Variants in SMARCA2 observed in about 807,000 individuals in gnomAD.
SMARCA2 encodes the protein SWI/SNF-related matrix-associated actin-dependent regulator of chromatin subfamily A member 2.
In SMARCA2, 61 loss-of-function variants were observed where a neutral mutation model predicts 199.8. The ratio of observed to expected loss-of-function variants is 0.31; its 90% CI spans 0.25 to 0.38. The LOEUF is 0.38. SMARCA2 is among the 10% of genes least tolerant of loss of function. The probability of loss-of-function intolerance (pLI) is 1.00; values close to 1 mark genes in which losing one functional copy is unlikely to be tolerated. For synonymous variants in SMARCA2, 935 were observed against 732.0 expected (o/e 1.28, Z -4.48); for missense variants, 1,344 against 2,012.2 (o/e 0.67, Z 6.35).
chr9:2,170,859 G>A lies in SMARCA2; in HGVS notation c.4253+387G>A, dbSNP rs12345838. On this transcript the variant is annotated intron_variant, in intron 29 of 33. Coordinates refer to ENST00000349721, the MANE Select transcript of SMARCA2 (RefSeq NM_003070.5). The surrounding 1 kb of genome is among the most constrained non-coding windows in gnomAD (Gnocchi z 4.7). Reference sequence around the variant, plus strand: ...CTGTCTTGGTTTAGAAGCTTAATGCGAAGCACCTGTAGTGACTTGATCTCC... The same window carrying A: ...CTGTCTTGGTTTAGAAGCTTAATGCAAAGCACCTGTAGTGACTTGATCTCC... 0.19 allele frequency among the ~76,000 whole-genome samples: 29,662 copies of A among 152,180 alleles called. 3,570 individuals are homozygous for A. The highest frequency in any genetic ancestry group is 0.33 in the African/African-American group (13,704 of 41,486).
At chr9:2,127,139 G>A (rs151217202) in intron 27 of SMARCA2, among the ~76,000 whole-genome samples, 191 of 151,894 alleles carry the variant, frequency 1.3e-3, no homozygotes, top group African/African-American at 4.4e-3. Flanking sequence ...AATATTAATT[G>A]CACTTTTAAT....
At chr9:2,061,060 T>C in intron 9 of SMARCA2, 74 bp downstream of exon 9, 1 of 1,361,842 alleles carries the variant, frequency 7.3e-7, no homozygotes, top group Non-Finnish European at 1.0e-6. Flanking sequence ...AGTATTGCTC[T>C]TTAAGTACTA....
intron 9 of SMARCA2, among the ~76,000 whole-genome samples, chr9:2,066,973 T>G (rs1236564265): frequency 6.6e-6 from 1 of 152,208 alleles, no homozygotes; most frequent in Non-Finnish European, 1.5e-5. Context: ...AGACACAGCA[T>G]GAAGTTGATG....
At chr9:2,125,101 A>G (rs7033529) in intron 27 of SMARCA2, among the ~76,000 whole-genome samples, 50,299 of 152,006 alleles carry the variant, frequency 0.33, 13,747 homozygotes, top group African/African-American at 0.75. Flanking sequence ...TACCAAAGGC[A>G]AACAGGTCTT....
Position 2,076,245 on chromosome 9 carries a change from C to A in SMARCA2, c.1952C>A (p.Ser651Tyr), listed in dbSNP as rs769137549. ...DYEEEDEEEE[S>Y]SRQETEEKIL... ...CTTTTCCAGGATGAGGAAGAAGAGT[C>A]CAGTAGGCAGGAAACCGAAGAGAAA... Residue 651 changes from serine (S) to tyrosine (Y), a missense_variant, in exon 13 of 34, where the codon TCC becomes TAC. Coordinates refer to ENST00000349721, the MANE Select transcript of SMARCA2 (RefSeq NM_003070.5). 1.6e-5 allele frequency: 26 copies of A among 1,602,334 alleles called. No individual in the cohort carries two copies. The highest frequency in any genetic ancestry group is 2.2e-5 in the East Asian group (1 of 44,810).
At chr9:2,097,359 AT>A in intron 20 of SMARCA2, 25 bp from the exon 21 acceptor site, 1 of 1,422,766 alleles carries the variant, frequency 7.0e-7, no homozygotes, top group Non-Finnish European at 9.9e-7. Flanking sequence ...AATTAATTCT[AT>A]TTTTCCCTTT....
At position 2,170,179 on chromosome 9, in the gene SMARCA2, T is replaced by C. The variant is rs1236247801; in HGVS notation, c.4200-240T>C. 6.6e-6 allele frequency among the ~76,000 whole-genome samples: 1 copy of C among 152,186 alleles called. No homozygotes were observed. Among genetic ancestry groups the C allele is most frequent in the Non-Finnish European group, 1.5e-5 (1 of 68,032 alleles). ...GGGAACAGGGTAACAGGAATTTCTGTGTGTGACGGAAGTAGGAAAATCCCA... is the reference window on the plus strand; with the variant it reads ...GGGAACAGGGTAACAGGAATTTCTGCGTGTGACGGAAGTAGGAAAATCCCA... On this transcript the variant is annotated intron_variant, in intron 28 of 33. Coordinates refer to ENST00000349721, the MANE Select transcript of SMARCA2 (RefSeq NM_003070.5). The surrounding 1 kb of genome is among the most constrained non-coding windows in gnomAD (Gnocchi z 4.7).
intron 16 of SMARCA2, 119 bp downstream of exon 16, chr9:2,083,532 T>A: frequency 1.7e-6 from 1 of 599,290 alleles, no homozygotes; most frequent in Non-Finnish European, 3.0e-6. Flanking sequence ...ATGTACATCA[T>A]GTACTAAACC....
At chr9:2,084,896 A>G (rs772596806) in intron 17 of SMARCA2, among the ~76,000 whole-genome samples, 33 of 152,190 alleles carry the variant, frequency 2.2e-4, no homozygotes, top group Non-Finnish European at 4.6e-4. Context: ...TAATACGTTC[A>G]TGTAGAAAGA....
chr9:2,073,139 T>C lies in SMARCA2; in HGVS notation c.1747-73T>C, dbSNP rs1821162563. 3 of 1,551,652 alleles carry C rather than the reference T, an allele frequency of 1.9e-6. No individual in the cohort carries two copies. In the South Asian group the frequency reaches 3.6e-5, roughly 19 times the overall value. On this transcript the variant is annotated intron_variant, in intron 10 of 33. Transcript: ENST00000349721. ...TCACATGCTGGGCAGCAAAAACTGC[T>C]GAGAAACGTCCAGTACAGGACTGGG...
chr9:2,037,301 G>A (rs1483107207), intron 3 of SMARCA2, among the ~76,000 whole-genome samples: 1 of 152,190 alleles, frequency 6.6e-6, no homozygotes, highest in Non-Finnish European at 1.5e-5. Context: ...AGCTTTCAAG[G>A]GAATTTTCTT....
intron 18 of SMARCA2, 66 bp from the exon 19 acceptor site, chr9:2,088,433 TA>T: frequency 6.6e-7 from 1 of 1,515,822 alleles, no homozygotes; most frequent in Non-Finnish European, 8.8e-7. Flanking sequence ...ATATGTAACA[TA>T]AAGCTTTATT....
rs771567349 is a variant in SMARCA2 at position 2,181,529 on chromosome 9, G to A, written c.4254-42G>A. 7 of 945,276 alleles carry A rather than the reference G, an allele frequency of 7.4e-6. No homozygotes were observed. The East Asian group carries it at 1.7e-4, about 23-fold the overall frequency. 58.6% of individuals were successfully genotyped at this position (945,276 alleles called of 1,614,324 possible). On this transcript the variant is annotated intron_variant, in intron 29 of 33. Coordinates refer to ENST00000349721, the MANE Select transcript of SMARCA2 (RefSeq NM_003070.5). Reference sequence around the variant, plus strand: ...AAAAATAAAACCTTTCCTCAGTAATGTTTGATGTGGCTTGTTTTTGTTTGT... The same window carrying A: ...AAAAATAAAACCTTTCCTCAGTAATATTTGATGTGGCTTGTTTTTGTTTGT...
chr9:2,057,272 C>T (rs1315135773), intron 7 of SMARCA2, among the ~76,000 whole-genome samples: 1 of 152,170 alleles, frequency 6.6e-6, no homozygotes, highest in Non-Finnish European at 1.5e-5. Context: ...TGTTTTCTTA[C>T]GTGGTGGAAG....
chr9:2,112,713 A>T (rs551656275), intron 24 of SMARCA2, among the ~76,000 whole-genome samples: 1 of 152,354 alleles, frequency 6.6e-6, no homozygotes, highest in East Asian at 1.9e-4. Context: ...CTGATTGAAT[A>T]AACTGAGCTG....
At position 2,159,026 on chromosome 9, in the gene SMARCA2, A is replaced by G. The variant is rs554459186; in HGVS notation, c.3982-2660A>G. On this transcript the variant is annotated intron_variant, in intron 27 of 33. Coordinates refer to ENST00000349721, the MANE Select transcript of SMARCA2 (RefSeq NM_003070.5). ...TGTAATTCCAAAACCTAAATTTAATAAGAATCTGCACGTATTAGCAGTTGT... is the reference window on the plus strand; with the variant it reads ...TGTAATTCCAAAACCTAAATTTAATGAGAATCTGCACGTATTAGCAGTTGT... 118 of 1,604,748 alleles carry G rather than the reference A, an allele frequency of 7.4e-5. 3 individuals are homozygous for G. In the South Asian group the frequency reaches 1.2e-3, roughly 16 times the overall value.
intron 32 of SMARCA2, among the ~76,000 whole-genome samples, chr9:2,187,588 G>T (rs1563843470): frequency 6.6e-6 from 1 of 151,964 alleles, no homozygotes; most frequent in Non-Finnish European, 1.5e-5. Flanking sequence ...TGAGGCAGGA[G>T]GATTGCTTAG....
At chr9:2,038,008 A>G (rs1819405916) in intron 3 of SMARCA2, among the ~76,000 whole-genome samples, 1 of 152,206 alleles carries the variant, frequency 6.6e-6, no homozygotes, top group African/African-American at 2.4e-5. Context: ...CTTCCCCAGA[A>G]AAGTGTTCTT....
At position 2,053,396 on chromosome 9, in the gene SMARCA2, A is replaced by G. The variant is rs183990135; in HGVS notation, c.1047-1201A>G. Among the ~76,000 whole-genome samples, 46 of 152,324 alleles carry G rather than the reference A, an allele frequency of 3.0e-4. No individual in the cohort carries two copies. In the East Asian group the frequency reaches 8.1e-3, roughly 27 times the overall value. ...GTCCAGGAAGGTTCTCGGAAAGTGT[A>G]TCTTAATTATCTATCATTTTATTGC... On this transcript the variant is annotated intron_variant, in intron 5 of 33. Coordinates refer to ENST00000349721, the MANE Select transcript of SMARCA2 (RefSeq NM_003070.5).
Sources: allele counts gnomAD v4.1 joint callset (sites outside exome capture counted in the v4.1 genomes callset), GRCh38; gene constraint gnomAD v4.1.1; non-coding constraint Gnocchi (gnomAD v3.1); transcripts MANE v1.5; gene names NCBI Gene and HGNC (gene_info 2026-07-23, HGNC 2026-07-21).